ARHGAP5: variants seen among roughly 807,000 people sequenced by gnomAD.
The protein encoded by ARHGAP5 is rho GTPase-activating protein 5.
A neutral mutation model predicts 116.6 loss-of-function variants in ARHGAP5; 23 were observed. The ratio of observed to expected loss-of-function variants is 0.20; its 90% CI spans 0.14 to 0.28. The LOEUF is 0.28. ARHGAP5 is among the 10% of genes least tolerant of loss of function. The pLI is 1.00. For synonymous variants in ARHGAP5, 574 were observed against 602.0 expected (o/e 0.95, Z 0.68); for missense variants, 1,405 against 1,774.8 (o/e 0.79, Z 3.74).
rs1341846601 is a variant in ARHGAP5 at position 32,157,605 on chromosome 14, T to A, written c.*2657T>A. On this transcript the variant is annotated 3_prime_UTR_variant, in exon 7 of 7. Transcript: ENST00000345122. ...TCAGTAGATTTATTAGAAGTCAAATTCTATTCAACAGACACTTATTAGGAT... is the reference window on the plus strand; with the variant it reads ...TCAGTAGATTTATTAGAAGTCAAATACTATTCAACAGACACTTATTAGGAT... 1 of 152,124 alleles carries A rather than the reference T, an allele frequency of 6.6e-6. No individual in the cohort carries two copies. Among genetic ancestry groups the A allele is most frequent in the Non-Finnish European group, 1.5e-5 (1 of 67,716 alleles). The allele number at this position is 152,124 out of a possible 1,614,324, so 9.4% of individuals were successfully genotyped here.
intron 2 of ARHGAP5, 54 bp from the exon 3 acceptor site, chr14:32,117,086 C>G: frequency 7.1e-7 from 1 of 1,417,012 alleles, no homozygotes; most frequent in Non-Finnish European, 9.6e-7. Context: ...TTGCTCATTA[C>G]TATTATTCTG....
rs2041867860 is a variant in ARHGAP5, at chr14:32,089,931, C to A, written c.-168-571C>A. Among the ~76,000 whole-genome samples, 3 of 151,762 alleles carry A rather than the reference C, an allele frequency of 2.0e-5. No homozygotes were observed. In the South Asian group the frequency reaches 6.2e-4, roughly 32 times the overall value. On this transcript the variant is annotated intron_variant, in intron 1 of 6. Coordinates refer to ENST00000345122, the MANE Select transcript of ARHGAP5 (RefSeq NM_001030055.2). Reference sequence around the variant, plus strand: ...GTTTTCTCTTAAGTATTTAAATATTCTTAATTTTGGGGGGGTATAACATTT... The same window carrying A: ...GTTTTCTCTTAAGTATTTAAATATTATTAATTTTGGGGGGGTATAACATTT...
chr14:32,137,934 T>C (rs1880896505), intron 3 of ARHGAP5, among the ~76,000 whole-genome samples: 1 of 148,386 alleles, frequency 6.7e-6, no homozygotes, highest in African/African-American at 2.5e-5. Context: ...ATCATGCCAT[T>C]GCACTCCAGC....
At chr14:32,095,020 A>T (rs945009566) in intron 2 of ARHGAP5, among the ~76,000 whole-genome samples, 1 of 152,168 alleles carries the variant, frequency 6.6e-6, no homozygotes, top group Non-Finnish European at 1.5e-5. Flanking sequence ...TTTGACTTTT[A>T]TTAGATATTT....
intron 3 of ARHGAP5, among the ~76,000 whole-genome samples, chr14:32,136,292 C>T (rs917922622): frequency 1.3e-5 from 2 of 152,204 alleles, no homozygotes; most frequent in Non-Finnish European, 2.9e-5. Flanking sequence ...TCAGTTCACT[C>T]CTCTCACAGC....
chr14:32,122,839 C>T (rs1336385858), intron 3 of ARHGAP5, among the ~76,000 whole-genome samples: 1 of 152,174 alleles, frequency 6.6e-6, no homozygotes, highest in Admixed American at 6.5e-5. Context: ...TTTCTGGACT[C>T]ATATTCTATT....
In ARHGAP5 at chr14:32,089,014, T is replaced by C. The variant is rs192344840; in HGVS notation, c.-168-1488T>C. Among the ~76,000 whole-genome samples, 429 of 152,116 alleles carry C rather than the reference T, an allele frequency of 2.8e-3. 4 individuals carry two copies. The highest frequency in any genetic ancestry group is 9.8e-3 in the African/African-American group (407 of 41,574). On this transcript the variant is annotated intron_variant, in intron 1 of 6. Transcript: ENST00000345122. ...ACTTCCTTGTATTGCCACTTCAATA[T>C]AGTAATATTTATTACAAAAGTGAAC...
chr14:32,091,245 A>G lies in ARHGAP5; in HGVS notation c.576A>G (p.Lys192=), dbSNP rs749272255. The stretch of plus-strand genomic sequence containing the variant: ...TTGTCCAGTTATCAAAATCAAAAAA[A>G]CCTGTAATAATAGCAGCAACTAAAT... ...NLFVQLSKSK[K]PVIIAATKCD... is the part of the protein sequence containing the mutation. Residue 192 remains lysine (K), a synonymous_variant, in exon 2 of 7, where the codon AAA becomes AAG. Transcript: ENST00000345122. The G allele has an allele frequency of 2.5e-6, 4 of 1,612,132 alleles. No homozygotes were observed. Among genetic ancestry groups the G allele is most frequent in the Non-Finnish European group, 3.4e-6 (4 of 1,179,212 alleles).
chr14:32,103,592 T>A (rs1878884440), intron 2 of ARHGAP5, among the ~76,000 whole-genome samples: 1 of 152,208 alleles, frequency 6.6e-6, no homozygotes, highest in Non-Finnish European at 1.5e-5. Context: ...TGTTCTTATG[T>A]TAATGGACAG....
chr14:32,157,096 T>G lies in ARHGAP5; in HGVS notation c.*2148T>G, dbSNP rs563136357. The stretch of plus-strand genomic sequence containing the variant: ...CACCTTCCCCCAAACTTATCTCCAC[T>G]TTTCTATGCATTCTATCATTGATTT... On this transcript the variant is annotated 3_prime_UTR_variant, in exon 7 of 7. Coordinates refer to ENST00000345122, the MANE Select transcript of ARHGAP5 (RefSeq NM_001030055.2). 2.0e-5 allele frequency: 3 copies of G among 152,484 alleles called. No homozygotes were observed. The East Asian group carries it at 5.8e-4, about 29-fold the overall frequency. The allele number at this position is 152,484 out of a possible 1,614,324, so 9.4% of individuals were successfully genotyped here. A position where few individuals can be genotyped will look rare whatever the true frequency, so the allele number is the denominator to read the frequency against.
At chr14:32,153,067 A>T (rs1173133036) in intron 6 of ARHGAP5, among the ~76,000 whole-genome samples, 40 of 142,122 alleles carry the variant, frequency 2.8e-4, no homozygotes, top group Non-Finnish European at 4.3e-4. Context: ...TTTTTTTTTT[A>T]AACTAATAGT....
chr14:32,123,353 T>A (rs1879984945), intron 3 of ARHGAP5, among the ~76,000 whole-genome samples: 1 of 152,048 alleles, frequency 6.6e-6, no homozygotes, highest in African/African-American at 2.4e-5. Flanking sequence ...CTAGGAATTG[T>A]TTAAAACTTT....
intron 2 of ARHGAP5, among the ~76,000 whole-genome samples, chr14:32,116,357 G>A (rs924446938): frequency 6.6e-6 from 1 of 151,902 alleles, no homozygotes; most frequent in Non-Finnish European, 1.5e-5. Context: ...TTGGGAGGCC[G>A]AGGCGGGTGG....
intron 1 of ARHGAP5, among the ~76,000 whole-genome samples, chr14:32,081,004 C>A (rs895606038): frequency 6.6e-6 from 1 of 152,104 alleles, no homozygotes; most frequent in Admixed American, 6.5e-5. Flanking sequence ...AATGGATATT[C>A]ATTTTTCTAG....
intron 3 of ARHGAP5, among the ~76,000 whole-genome samples, chr14:32,137,902 G>T (rs1880893580): frequency 6.6e-6 from 1 of 151,698 alleles, no homozygotes; most frequent in African/African-American, 2.4e-5. Context: ...AACCCAGGAT[G>T]GGGAGGTTGC....
chr14:32,151,872 G>A (rs1881652226), intron 5 of ARHGAP5, among the ~76,000 whole-genome samples: 2 of 152,148 alleles, frequency 1.3e-5, no homozygotes, highest in African/African-American at 2.4e-5. Flanking sequence ...TTATAAAAAG[G>A]CTATAGTAAT....
chr14:32,083,160 C>T (rs987056346), intron 1 of ARHGAP5, among the ~76,000 whole-genome samples: 4 of 152,236 alleles, frequency 2.6e-5, no homozygotes, highest in Non-Finnish European at 4.4e-5. Context: ...TCATTGAAAC[C>T]ATTCATCTGT....
At chr14:32,117,595 T>C (rs1363702878) in intron 3 of ARHGAP5, among the ~76,000 whole-genome samples, 2 of 152,232 alleles carry the variant, frequency 1.3e-5, no homozygotes, top group Non-Finnish European at 2.9e-5. Context: ...GATATAGTTA[T>C]GGTTTGAATA....
At chr14:32,120,632 A>T in intron 3 of ARHGAP5, among the ~76,000 whole-genome samples, 2 of 147,490 alleles carry the variant, frequency 1.4e-5, no homozygotes, top group African/African-American at 2.5e-5. Flanking sequence ...AAATTAACTC[A>T]TCGGTTATTA....
Sources: allele counts gnomAD v4.1 joint callset (sites outside exome capture counted in the v4.1 genomes callset), GRCh38; gene constraint gnomAD v4.1.1; transcripts MANE v1.5; gene names NCBI Gene and HGNC (gene_info 2026-07-23, HGNC 2026-07-21).